The following ZNF800 variants were observed in gnomAD, a reference collection of about 807,000 sequenced individuals.
ZNF800 encodes the protein zinc finger protein 800.
Under a neutral mutation model 59.5 loss-of-function variants are expected in ZNF800, and 13 were observed. The observed-to-expected ratio is 0.22, with a 90% CI of 0.14 to 0.35. ZNF800 has a LOEUF of 0.35. Among genes scored for constraint, ZNF800 ranks in the 10% least tolerant of loss-of-function variants. ZNF800 has a pLI of 1.00. For synonymous variants in ZNF800, 266 were observed against 265.7 expected (o/e 1.00, Z -0.01); for missense variants, 621 against 783.7 (o/e 0.79, Z 2.48).
intron 3 of ZNF800, among the ~76,000 whole-genome samples, chr7:127,381,766 T>C (rs1272808656): frequency 6.6e-6 from 1 of 152,088 alleles, no homozygotes; most frequent in Non-Finnish European, 1.5e-5. Flanking sequence ...TTCCTATAAC[T>C]GCTATATAAC....
intron 3 of ZNF800, among the ~76,000 whole-genome samples, chr7:127,383,779 T>C (rs1044095030): frequency 1.3e-4 from 20 of 152,332 alleles, no homozygotes; most frequent in African/African-American, 4.8e-4. Flanking sequence ...AATCCAAGAT[T>C]AGTTTCTTTG....
downstream of ZNF800, among the ~76,000 whole-genome samples, chr7:127,342,922 A>G (rs1554369021): frequency 6.6e-6 from 1 of 152,148 alleles, no homozygotes; most frequent in Non-Finnish European, 1.5e-5. Context: ...TAATAAGTTT[A>G]TTCTTTATTA....
At chr7:127,386,018 T>C in intron 3 of ZNF800, 42 bp downstream of exon 3, 1 of 1,382,074 alleles carries the variant, frequency 7.2e-7, no homozygotes, top group Non-Finnish European at 1.0e-6. Context: ...AGTTTTTAAC[T>C]ACTATGTGAA....
downstream of ZNF800, among the ~76,000 whole-genome samples, chr7:127,368,993 C>A (rs758380904): frequency 2.9e-4 from 44 of 150,344 alleles, no homozygotes; most frequent in Admixed American, 2.3e-3. Context: ...CAAAGGTTTT[C>A]TTCTTAAAGA....
chr7:127,372,297 A>AT (rs1800653138), intron 5 of ZNF800, among the ~76,000 whole-genome samples: 1 of 152,014 alleles, frequency 6.6e-6, no homozygotes, highest in Non-Finnish European at 1.5e-5. Context: ...CCTGACCAAC[A>AT]TGATGAAACC....
chr7:127,376,731 C>A (rs953742918), intron 4 of ZNF800, among the ~76,000 whole-genome samples: 1 of 151,874 alleles, frequency 6.6e-6, no homozygotes, highest in Non-Finnish European at 1.5e-5. Flanking sequence ...AAGAAATGAA[C>A]AAATTTACCT....
At chr7:127,390,286 T>C (rs1050531597) in intron 2 of ZNF800, among the ~76,000 whole-genome samples, 2 of 152,198 alleles carry the variant, frequency 1.3e-5, no homozygotes, top group Non-Finnish European at 2.9e-5. Context: ...ATAAGTGATA[T>C]ATCTGCAGTT....
At chr7:127,358,571 T>C (rs1373595039) in intron 1 of ZNF800, among the ~76,000 whole-genome samples, 1 of 152,146 alleles carries the variant, frequency 6.6e-6, no homozygotes, top group Admixed American at 6.6e-5. Context: ...CTTCTTGATT[T>C]GGCCATTTCC....
At chr7:127,386,267 C>T (rs1801136992) in intron 2 of ZNF800, 112 bp from the exon 3 acceptor site, 4 of 599,204 alleles carry the variant, frequency 6.7e-6, no homozygotes, top group Admixed American at 5.7e-5. Context: ...GATAATCACA[C>T]TTGTGCCCGC....
chr7:127,346,072 G>C (rs376858489), downstream of ZNF800, among the ~76,000 whole-genome samples: 2 of 152,166 alleles, frequency 1.3e-5, no homozygotes, highest in Non-Finnish European at 1.5e-5. Flanking sequence ...GCTGGGATTC[G>C]GGGCATGACA....
In ZNF800 at chr7:127,374,907, T is replaced by C; in HGVS notation, c.429A>G (p.Val143=). The change falls in exon 5 of 6, where the codon GTA becomes GTG. Residue 143 remains valine, a synonymous_variant. Coordinates refer to ENST00000265827, the MANE Select transcript of ZNF800 (RefSeq NM_176814.5). Reference sequence around the variant, plus strand: ...TATCAGTCCTCGAAATATATTGAAATACTGCATTTTGATTAGTTTCTATGG... The same window carrying C: ...TATCAGTCCTCGAAATATATTGAAACACTGCATTTTGATTAGTTTCTATGG... ...LEPIETNQNA[V]FQYISRTDNP... is the part of the protein sequence containing the mutation. 1 of 1,613,986 alleles carries C rather than the reference T, an allele frequency of 6.2e-7. No individual in the cohort carries two copies. Among genetic ancestry groups the C allele is most frequent in the Non-Finnish European group, 8.5e-7 (1 of 1,179,910 alleles).
chr7:127,386,952 T>C (rs1391408304), intron 2 of ZNF800, among the ~76,000 whole-genome samples: 5 of 151,914 alleles, frequency 3.3e-5, no homozygotes, highest in Admixed American at 6.6e-5. Context: ...TATGTATAAA[T>C]GCTGTTAGGG....
intron 3 of ZNF800, among the ~76,000 whole-genome samples, chr7:127,378,847 T>A (rs1406802492): frequency 6.6e-6 from 1 of 152,120 alleles, no homozygotes; most frequent in Non-Finnish European, 1.5e-5. Flanking sequence ...AAATCTGATA[T>A]TATCTACTTG....
chr7:127,376,444 A>G (rs1800789820), intron 4 of ZNF800, among the ~76,000 whole-genome samples: 1 of 151,954 alleles, frequency 6.6e-6, no homozygotes, highest in Non-Finnish European at 1.5e-5. Context: ...TTCTTTAAAG[A>G]AAGAAAATAC....
At chr7:127,365,866 C>T (rs13225582), downstream of ZNF800, among the ~76,000 whole-genome samples, 1 of 152,080 alleles carries the variant, frequency 6.6e-6, no homozygotes. Flanking sequence ...TAACCAAAAG[C>T]TAAGTGCTAG....
At chr7:127,343,505 T>C (rs1032337725), downstream of ZNF800, among the ~76,000 whole-genome samples, 10 of 151,920 alleles carry the variant, frequency 6.6e-5, no homozygotes, top group Non-Finnish European at 1.3e-4. Context: ...AGTAAAACCA[T>C]AGAAAAAGGT....
chr7:127,379,836 A>ACCCCCCCCCCCCCCCCCCCCC lies in ZNF800; in HGVS notation c.158-2508_158-2507insGGGGGGGGGGGGGGGGGGGGG, dbSNP rs71179574. 1.2e-3 allele frequency among the ~76,000 whole-genome samples: 32 copies of ACCCCCCCCCCCCCCCCCCCCC among 27,650 alleles called. 4 individuals carry two copies. The highest frequency in any genetic ancestry group is 4.3e-3 in the Admixed American group (9 of 2,112). 18.1% of individuals were successfully genotyped at this position (27,650 alleles called of 152,430 possible). On this transcript the variant is annotated intron_variant, in intron 3 of 5. Coordinates refer to ENST00000265827, the MANE Select transcript of ZNF800 (RefSeq NM_176814.5). ...ACAAATGCTTCCCCTTACCCTTGCC[A>ACCCCCCCCCCCCCCCCCCCCC]CCCCCCCACCCCCCCACCCCCCCCA...
Position 127,392,505 on chromosome 7 carries a change from G to A in ZNF800, c.-504C>T. The A allele has an allele frequency of 2.9e-6, 1 of 342,148 alleles. No homozygotes were observed. 21.2% of individuals were successfully genotyped at this position (342,148 alleles called of 1,614,324 possible). A position where few individuals can be genotyped will look rare whatever the true frequency, so the allele number is the denominator to read the frequency against. Reference sequence around the variant, plus strand: ...CCGCTCCACCTGCAACGGTCCCTCAGGCTTTAGGAGAGGGGCGGAGAAAAA... The same window carrying A: ...CCGCTCCACCTGCAACGGTCCCTCAAGCTTTAGGAGAGGGGCGGAGAAAAA... On this transcript the variant is annotated 5_prime_UTR_variant, in exon 1 of 6. Transcript: ENST00000265827.
intron 1 of ZNF800, among the ~76,000 whole-genome samples, chr7:127,356,265 GTGTGTA>G (rs773136361): frequency 7.9e-4 from 107 of 136,266 alleles, no homozygotes; most frequent in Admixed American, 1.6e-3. Flanking sequence ...CTGTGTGTGT[GTGTGTA>G]TGTGTGTGTG....
Sources: gnomAD v4.1 joint callset for allele counts (sites outside exome capture counted in the v4.1 genomes callset) on GRCh38, gnomAD v4.1.1 for gene constraint, MANE v1.5 for transcripts, NCBI Gene and HGNC (gene_info 2026-07-23, HGNC 2026-07-21) for gene names.